Variants in POU6F2 observed in about 807,000 individuals in gnomAD.
POU6F2 encodes POU domain, class 6, transcription factor 2.
In POU6F2, 31 loss-of-function variants were observed where a neutral mutation model predicts 71.3. That is an observed-to-expected ratio of 0.43 (90% confidence interval 0.33 to 0.59). POU6F2 has a LOEUF of 0.59. Ranked by LOEUF, POU6F2 falls within the 20% of genes least tolerant of loss-of-function variation. The pLI is 0.04. For synonymous variants in POU6F2, 347 were observed against 355.7 expected (o/e 0.98, Z 0.27); for missense variants, 783 against 856.8 (o/e 0.91, Z 1.07).
In POU6F2 at chr7:39,192,325, C is replaced by A. The variant is rs557908813; in HGVS notation, c.278-11910C>A. Among the ~76,000 whole-genome samples the A allele has an allele frequency of 2.0e-5, 3 of 152,204 alleles. No homozygotes were observed. In the South Asian group the frequency reaches 6.2e-4, roughly 32 times the overall value. On this transcript the variant is annotated intron_variant, in intron 2 of 9. Coordinates refer to ENST00000518318, the MANE Select transcript of POU6F2 (RefSeq NM_001370959.1). The stretch of plus-strand genomic sequence containing the variant: ...TCTGTGTAGAAATGCTGTTTTATTT[C>A]TGCTTTAAGGGATTTAAAATTTTCA...
chr7:39,308,384 G>T (rs937938231), intron 4 of POU6F2, among the ~76,000 whole-genome samples: 1 of 152,178 alleles, frequency 6.6e-6, no homozygotes, highest in Non-Finnish European at 1.5e-5. Flanking sequence ...GGAGGACATG[G>T]TGTGAGGGCC....
chr7:39,444,693 T>G (rs1305695497), intron 7 of POU6F2, among the ~76,000 whole-genome samples: 1 of 152,280 alleles, frequency 6.6e-6, no homozygotes, highest in Non-Finnish European at 1.5e-5. Flanking sequence ...AGCAACCTTT[T>G]GCTTCCTCCA....
At chr7:38,991,650 C>T (rs931114229) in intron 1 of POU6F2, among the ~76,000 whole-genome samples, 1 of 152,162 alleles carries the variant, frequency 6.6e-6, no homozygotes, top group Non-Finnish European at 1.5e-5. Context: ...AACAGAGTGC[C>T]TCCTCCCACC....
chr7:39,219,727 A>T (rs1171889442), intron 4 of POU6F2, among the ~76,000 whole-genome samples: 1 of 152,204 alleles, frequency 6.6e-6, no homozygotes, highest in African/African-American at 2.4e-5. Context: ...CTAAAAAAAT[A>T]AAAAAGAACA....
At chr7:39,089,654 C>A (rs981703583) in intron 2 of POU6F2, among the ~76,000 whole-genome samples, 3 of 152,066 alleles carry the variant, frequency 2.0e-5, no homozygotes, top group Non-Finnish European at 4.4e-5. Flanking sequence ...AAGTTGGATG[C>A]TAAAATTCAA....
intron 1 of POU6F2, among the ~76,000 whole-genome samples, chr7:39,025,133 C>T (rs1291252991): frequency 2.6e-5 from 4 of 152,094 alleles, no homozygotes; most frequent in African/African-American, 7.2e-5. Flanking sequence ...TCCATCTGGT[C>T]CTGGACTGTT....
intron 4 of POU6F2, among the ~76,000 whole-genome samples, chr7:39,317,812 T>C (rs898806727): frequency 6.6e-6 from 1 of 152,240 alleles, no homozygotes; most frequent in Non-Finnish European, 1.5e-5. Flanking sequence ...TCAGGGTCTC[T>C]GGGTCTCATT....
chr7:39,312,670 G>A (rs113733855), intron 4 of POU6F2, among the ~76,000 whole-genome samples: 14 of 152,306 alleles, frequency 9.2e-5, no homozygotes, highest in African/African-American at 3.4e-4. Context: ...TGGCAAATGT[G>A]AATGGCCAGC....
chr7:39,123,008 A>C (rs558297339), intron 2 of POU6F2, among the ~76,000 whole-genome samples: 1 of 152,268 alleles, frequency 6.6e-6, no homozygotes, highest in Admixed American at 6.5e-5. Flanking sequence ...GCCTCTTAAC[A>C]TGCCACCAGT....
At chr7:39,177,364 T>C (rs1793352404) in intron 2 of POU6F2, among the ~76,000 whole-genome samples, 1 of 152,160 alleles carries the variant, frequency 6.6e-6, no homozygotes, top group African/African-American at 2.4e-5. Context: ...GTTAGAGGAA[T>C]TCTGATGGGG....
intron 4 of POU6F2, among the ~76,000 whole-genome samples, chr7:39,266,373 G>T (rs997508188): frequency 6.6e-6 from 1 of 152,150 alleles, no homozygotes; most frequent in African/African-American, 2.4e-5. Context: ...TCAGCAAAGA[G>T]CTCCTGAATA....
chr7:39,270,726 T>C (rs1221380574), intron 4 of POU6F2, among the ~76,000 whole-genome samples: 1 of 152,162 alleles, frequency 6.6e-6, no homozygotes, highest in Non-Finnish European at 1.5e-5. Context: ...AGTCCCCTGG[T>C]GCACTCAAAC....
Position 39,050,442 on chromosome 7 carries a change from G to A in POU6F2, c.106-35418G>A, listed in dbSNP as rs562217272. On this transcript the variant is annotated intron_variant, in intron 1 of 9. Coordinates refer to ENST00000518318, the MANE Select transcript of POU6F2 (RefSeq NM_001370959.1). ...AAACACAGAGGTTCCTGGTAAGACA[G>A]GGATATGTGAACAGCTTGGACTTCT... Among the ~76,000 whole-genome samples the A allele has an allele frequency of 9.9e-5, 15 of 152,252 alleles. No homozygotes were observed. The East Asian group carries it at 2.9e-3, about 29-fold the overall frequency.
intron 5 of POU6F2, among the ~76,000 whole-genome samples, chr7:39,401,635 G>C (rs181174391): frequency 1.3e-5 from 2 of 152,326 alleles, no homozygotes; most frequent in Admixed American, 1.3e-4. Flanking sequence ...AGGTCCTAAT[G>C]TATGTAAATG....
At chr7:39,200,422 G>GCCA (rs1314890976) in intron 2 of POU6F2, among the ~76,000 whole-genome samples, 1 of 152,172 alleles carries the variant, frequency 6.6e-6, no homozygotes, top group African/African-American at 2.4e-5. Flanking sequence ...TGGAAACTTT[G>GCCA]CCACTATCTT....
rs1789021217 is a variant in POU6F2, at chr7:39,464,431, G to A, written c.1908G>A (p.Lys636=). ...TTATCGGGAGTGAACCATCCAAAAA[G>A]CGCAAGCGGCGCACCTCCTTCACAC... is the stretch of plus-strand genomic sequence containing the variant. ...TEFIGSEPSK[K]RKRRTSFTPQ... The change falls in exon 10 of 10, where the codon AAG becomes AAA. Residue 636 remains lysine (K), a synonymous_variant. Coordinates refer to ENST00000518318, the MANE Select transcript of POU6F2 (RefSeq NM_001370959.1). The surrounding 1 kb of genome is among the most constrained non-coding windows in gnomAD (Gnocchi z 4.1). 1.2e-6 allele frequency: 2 copies of A among 1,613,874 alleles called. No individual in the cohort carries two copies. Among genetic ancestry groups the A allele is most frequent in the East Asian group, 4.5e-5 (2 of 44,878 alleles).
chr7:38,981,880 T>C (rs1788324783), intron 1 of POU6F2, among the ~76,000 whole-genome samples: 1 of 152,206 alleles, frequency 6.6e-6, no homozygotes, highest in South Asian at 2.1e-4. Context: ...TCCATGTATG[T>C]TTTCTTATAT....
chr7:39,122,971 T>A (rs1288299789), intron 2 of POU6F2, among the ~76,000 whole-genome samples: 1 of 152,192 alleles, frequency 6.6e-6, no homozygotes, highest in African/African-American at 2.4e-5. Context: ...ATTACAGGCA[T>A]GAGCCACCGC....
intron 1 of POU6F2, among the ~76,000 whole-genome samples, chr7:39,006,542 A>T (rs1789076669): frequency 6.6e-6 from 1 of 152,160 alleles, no homozygotes; most frequent in Non-Finnish European, 1.5e-5. Flanking sequence ...ACACCTTCAA[A>T]ATTACTTCTT....
Sources: allele counts gnomAD v4.1 joint callset (sites outside exome capture counted in the v4.1 genomes callset), GRCh38; gene constraint gnomAD v4.1.1; non-coding constraint Gnocchi (gnomAD v3.1); transcripts MANE v1.5; gene names NCBI Gene and HGNC (gene_info 2026-07-23, HGNC 2026-07-21).